Variants in PATJ observed in about 807,000 individuals in gnomAD.
The protein encoded by PATJ is inaD-like protein.
PATJ carries 190 observed loss-of-function variants against 224.9 expected under a neutral mutation model. The observed-to-expected ratio is 0.84, with a 90% confidence interval of 0.75 to 0.95. PATJ has a LOEUF of 0.95. Ranked by LOEUF, PATJ falls within the 40% of genes least tolerant of loss-of-function variation. PATJ has a pLI of 0.00. For synonymous variants in PATJ, 769 were observed against 820.3 expected (o/e 0.94, Z 1.07); for missense variants, 2,121 against 2,270.3 (o/e 0.93, Z 1.34).
intron 35 of PATJ, among the ~76,000 whole-genome samples, chr1:62,115,624 A>T (rs564135188): frequency 1.4e-5 from 2 of 148,024 alleles, no homozygotes; most frequent in East Asian, 2.0e-4. Flanking sequence ...TTAGGTATCT[A>T]GTATGTATTT....
At chr1:61,991,780 T>C (rs1272956230) in intron 28 of PATJ, 2 of 972,508 alleles carry the variant, frequency 2.1e-6, no homozygotes, top group South Asian at 4.7e-5. Flanking sequence ...ACCAATATTA[T>C]TCATTGCCTC....
intron 29 of PATJ, among the ~76,000 whole-genome samples, chr1:62,035,591 C>G (rs1253354306): frequency 6.6e-6 from 1 of 151,456 alleles, no homozygotes; most frequent in African/African-American, 2.4e-5. Context: ...TACATCCCAC[C>G]CCAACCCACC....
rs1423946637 is a variant in PATJ, at chr1:61,856,034, C to A, written c.2117C>A (p.Pro706His). ...TCTTCTTTGCTCGATTCACAGGACC[C>A]TTTAGATCCTACAAGATCAGTGATT... ...LGFSILDYQDPLDPTRSVIVI... is the reference protein window; with the variant it reads ...LGFSILDYQDHLDPTRSVIVI... Residue 706 changes from proline (P) to histidine (H), a missense_variant, in exon 18 of 44, where the codon CCT (proline) becomes CAT (histidine). Physicochemically the swap from Pro to His is moderately conservative, Grantham distance 77. Coordinates refer to ENST00000642238, the MANE Select transcript of PATJ (RefSeq NM_001350145.3). 1 of 1,613,248 alleles carries A rather than the reference C, an allele frequency of 6.2e-7. No individual in the cohort carries two copies. The highest frequency in any genetic ancestry group is 2.2e-5 in the East Asian group (1 of 44,864).
rs1646052973 is a variant in PATJ at position 61,763,035 on chromosome 1, A to T, written c.45A>T (p.Val15=). Residue 15 remains valine (V), a synonymous_variant, in exon 3 of 44, where the codon GTA becomes GTT. Coordinates refer to ENST00000642238, the MANE Select transcript of PATJ (RefSeq NM_001350145.3). ...PATDKLQVLQ[V]LDRLKMKLQE... ...AAGATAAACTGCAGGTGCTGCAGGT[A>T]CTTGATCGCCTGAAAATGAAATTGC... 7 of 1,610,946 alleles carry T rather than the reference A, an allele frequency of 4.3e-6. No homozygotes were observed. The highest frequency in any genetic ancestry group is 5.9e-6 in the Non-Finnish European group (7 of 1,178,176).
chr1:61,990,066 G>T lies in PATJ; in HGVS notation c.3671-102G>T, dbSNP rs564732270. On this transcript the variant is annotated intron_variant, in intron 27 of 43. Transcript: ENST00000642238. Reference sequence around the variant, plus strand: ...ACTCTGTCTCTTAAAAAACAAAAAAGGTACCATAGTTGAGAAATCACAGTA... The same window carrying T: ...ACTCTGTCTCTTAAAAAACAAAAAATGTACCATAGTTGAGAAATCACAGTA... 1.2e-5 allele frequency: 11 copies of T among 894,484 alleles called. 1 individual carries two copies. In the East Asian group the frequency reaches 2.7e-4, roughly 22 times the overall value. 55.4% of individuals were successfully genotyped at this position (894,484 alleles called of 1,614,324 possible).
intron 27 of PATJ, among the ~76,000 whole-genome samples, chr1:61,946,372 T>C (rs1452270218): frequency 6.6e-6 from 1 of 152,034 alleles, no homozygotes; most frequent in Non-Finnish European, 1.5e-5. Flanking sequence ...CAATAAAAAA[T>C]GATAAAGGGG....
intron 41 of PATJ, among the ~76,000 whole-genome samples, chr1:62,143,825 G>A (rs1387429788): frequency 6.6e-6 from 1 of 152,132 alleles, no homozygotes; most frequent in East Asian, 1.9e-4. Flanking sequence ...GAGTGTGCAA[G>A]TGGATAATGG....
At chr1:61,792,111 C>T (rs905336834) in intron 9 of PATJ, among the ~76,000 whole-genome samples, 3 of 152,014 alleles carry the variant, frequency 2.0e-5, no homozygotes, top group South Asian at 2.1e-4. Flanking sequence ...AGCAAGATTA[C>T]AGAGTTCATT....
chr1:61,757,097 T>TG (rs1645691063), intron 1 of PATJ, among the ~76,000 whole-genome samples: 1 of 149,772 alleles, frequency 6.7e-6, no homozygotes, highest in Non-Finnish European at 1.5e-5. Flanking sequence ...TTTTTTTTTT[T>TG]GATCTTGCTC....
chr1:61,978,004 C>A (rs1284222951), intron 27 of PATJ, among the ~76,000 whole-genome samples: 1 of 151,690 alleles, frequency 6.6e-6, no homozygotes, highest in Non-Finnish European at 1.5e-5. Context: ...TCCCATGTAA[C>A]CACCATCCAG....
chr1:62,068,696 T>C (rs1656895246), intron 31 of PATJ, among the ~76,000 whole-genome samples: 1 of 152,232 alleles, frequency 6.6e-6, no homozygotes, highest in African/African-American at 2.4e-5. Flanking sequence ...CCATCTGTTA[T>C]ATGGGATATT....
At chr1:61,788,079 G>T (rs1202639295) in intron 8 of PATJ, 107 bp downstream of exon 8, 5 of 795,190 alleles carry the variant, frequency 6.3e-6, no homozygotes, top group Non-Finnish European at 9.6e-6. Context: ...TGAGTTGTGC[G>T]CTCACTAGTG....
chr1:61,850,348 CAT>C (rs572682987), intron 17 of PATJ, among the ~76,000 whole-genome samples: 12 of 152,346 alleles, frequency 7.9e-5, no homozygotes, highest in African/African-American at 2.6e-4. Context: ...ATGATTATCA[CAT>C]GTTTGAATCT....
chr1:61,894,246 C>G (rs1670014871), intron 22 of PATJ, among the ~76,000 whole-genome samples: 1 of 148,636 alleles, frequency 6.7e-6, no homozygotes, highest in African/African-American at 2.5e-5. Context: ...AAGAGCGAAA[C>G]TCTATCTCAT....
chr1:61,746,094 A>AAT (rs34430786), intron 1 of PATJ, among the ~76,000 whole-genome samples: 2,785 of 148,244 alleles, frequency 0.019, 85 homozygotes, highest in African/African-American at 0.064. Context: ...ACCACTGGGT[A>AAT]ATATATATAT....
intron 33 of PATJ, among the ~76,000 whole-genome samples, chr1:62,093,804 A>G (rs552819640): frequency 6.6e-6 from 1 of 152,338 alleles, no homozygotes; most frequent in Non-Finnish European, 1.5e-5. Context: ...AAATAAGTCT[A>G]TATTTCTGTA....
chr1:61,842,522 T>C (rs779921970), intron 17 of PATJ, among the ~76,000 whole-genome samples: 10 of 152,296 alleles, frequency 6.6e-5, no homozygotes, highest in African/African-American at 2.4e-4. Flanking sequence ...GAGAGGATCC[T>C]GAAGATGGTG....
intron 27 of PATJ, among the ~76,000 whole-genome samples, chr1:61,961,925 C>T (rs1312267916): frequency 1.3e-5 from 2 of 149,292 alleles, no homozygotes; most frequent in South Asian, 2.1e-4. Flanking sequence ...GCCGAGATCA[C>T]GCCATCGCAC....
chr1:61,900,537 T>G (rs1303765140), intron 23 of PATJ, among the ~76,000 whole-genome samples: 1 of 152,148 alleles, frequency 6.6e-6, no homozygotes, highest in Non-Finnish European at 1.5e-5. Context: ...TAATTTATTT[T>G]GTTCTGAAAG....
Sources: allele counts gnomAD v4.1 joint callset (sites outside exome capture counted in the v4.1 genomes callset), GRCh38; gene constraint gnomAD v4.1.1; transcripts MANE v1.5; gene names NCBI Gene and HGNC (gene_info 2026-07-23, HGNC 2026-07-21).